The following DAB1 variants were observed in gnomAD, a reference collection of about 807,000 sequenced individuals.
DAB1 encodes the protein disabled homolog 1.
In DAB1, 15 loss-of-function variants were observed where a neutral mutation model predicts 64.6. The observed-to-expected ratio is 0.23, with a 90% CI of 0.16 to 0.36. The LOEUF (loss-of-function observed/expected upper bound fraction) is 0.36, where lower values mean the gene tolerates loss of function less well. Among genes scored for constraint, DAB1 ranks in the 10% least tolerant of loss-of-function variants. DAB1 has a pLI of 1.00. For missense variants in DAB1, 596 were observed against 706.7 expected (o/e 0.84, Z 1.78); for synonymous variants, 235 against 251.9 (o/e 0.93, Z 0.64).
chr1:57,750,232 TG>T (rs1648492160), intron 6 of DAB1, among the ~76,000 whole-genome samples: 1 of 152,230 alleles, frequency 6.6e-6, no homozygotes, highest in Non-Finnish European at 1.5e-5. Context: ...CTTCCCTTTT[TG>T]TGTTTCTATC....
At chr1:57,397,647 C>T (rs1682920551) in intron 1 of DAB1, among the ~76,000 whole-genome samples, 1 of 152,240 alleles carries the variant, frequency 6.6e-6, no homozygotes, top group Non-Finnish European at 1.5e-5. Flanking sequence ...TGGCTCTCCA[C>T]AGGGCAGAGA....
In DAB1 at chr1:57,015,234, C is replaced by G. The variant is rs758575972; in HGVS notation, c.1093G>C (p.Ala365Pro). Residue 365 changes from alanine to proline, a missense_variant, in exon 12 of 15, where the codon GCC becomes CCC. Transcript: ENST00000371236. The stretch of plus-strand genomic sequence containing the variant: ...ATAACAGTTTGTGTGGGCATGAAGG[C>G]GGCTGGCGGAAACTGCCCGGCCACA... ...PTVAGQFPPAAFMPTQTVMPL... is the reference protein window; with the variant it reads ...PTVAGQFPPAPFMPTQTVMPL... 6.2e-7 allele frequency: 1 copy of G among 1,613,962 alleles called. No individual in the cohort carries two copies. Among genetic ancestry groups the G allele is most frequent in the Non-Finnish European group, 8.5e-7 (1 of 1,179,978 alleles).
chr1:58,395,069 C>T (rs1644508045), intron 3 of DAB1, among the ~76,000 whole-genome samples: 1 of 151,944 alleles, frequency 6.6e-6, no homozygotes, highest in Non-Finnish European at 1.5e-5. Flanking sequence ...TGGACACAAG[C>T]CTGTCAAAAA....
chr1:58,112,034 C>T (rs1428296928), intron 5 of DAB1, among the ~76,000 whole-genome samples: 1 of 152,178 alleles, frequency 6.6e-6, no homozygotes, highest in Non-Finnish European at 1.5e-5. Context: ...ACCCTTTCTC[C>T]CTATCCCCCA....
intron 9 of DAB1, among the ~76,000 whole-genome samples, chr1:57,041,261 C>A (rs539271005): frequency 6.6e-6 from 1 of 152,174 alleles, no homozygotes; most frequent in African/African-American, 2.4e-5. Flanking sequence ...ATTATCAAGG[C>A]ATTAATTTAA....
At chr1:58,249,122 T>G (rs1269824092) in intron 4 of DAB1, among the ~76,000 whole-genome samples, 3 of 152,090 alleles carry the variant, frequency 2.0e-5, no homozygotes, top group Non-Finnish European at 4.4e-5. Context: ...ACAGGCTGCC[T>G]GCAAAGTCCA....
At chr1:57,842,196 T>A (rs1263870513) in intron 1 of DAB1, among the ~76,000 whole-genome samples, 1 of 152,234 alleles carries the variant, frequency 6.6e-6, no homozygotes, top group Non-Finnish European at 1.5e-5. Context: ...TGTTTGCTAA[T>A]GCATAGCAAG....
intron 6 of DAB1, among the ~76,000 whole-genome samples, chr1:57,667,811 G>A (rs1039174536): frequency 1.3e-5 from 2 of 152,056 alleles, no homozygotes; most frequent in Admixed American, 1.3e-4. Context: ...TCACTCATAA[G>A]TGAGAATTGA....
At chr1:58,530,601 C>G (rs1646420464) in intron 1 of DAB1, 2 of 871,326 alleles carry the variant, frequency 2.3e-6, no homozygotes, top group Admixed American at 1.7e-5. Flanking sequence ...TCAGACTTAC[C>G]TCCTGCAATT....
chr1:57,116,554 C>G (rs1046921992), intron 4 of DAB1, among the ~76,000 whole-genome samples: 1 of 151,326 alleles, frequency 6.6e-6, no homozygotes, highest in Non-Finnish European at 1.5e-5. Flanking sequence ...TATATCTAGC[C>G]ATAAGATACA....
intron 4 of DAB1, among the ~76,000 whole-genome samples, chr1:58,220,070 T>A (rs1659077112): frequency 1.3e-5 from 2 of 152,258 alleles, no homozygotes; most frequent in South Asian, 4.1e-4. Context: ...AAAAAGGTTT[T>A]GTTTTTGTTT....
chr1:58,447,375 G>C (rs1028829594), intron 3 of DAB1, among the ~76,000 whole-genome samples: 1 of 150,308 alleles, frequency 6.7e-6, no homozygotes, highest in Non-Finnish European at 1.5e-5. Flanking sequence ...GGAGAGAGTT[G>C]ATCAACTTTC....
At chr1:57,480,667 T>G (rs961487373) in intron 7 of DAB1, among the ~76,000 whole-genome samples, 1 of 152,056 alleles carries the variant, frequency 6.6e-6, no homozygotes, top group African/African-American at 2.4e-5. Flanking sequence ...GTATTTTTAG[T>G]AGAGACAGGG....
intron 12 of DAB1, among the ~76,000 whole-genome samples, chr1:57,011,947 G>A (rs1222860407): frequency 6.6e-6 from 1 of 152,210 alleles, no homozygotes; most frequent in African/African-American, 2.4e-5. Context: ...GAAAATGGAT[G>A]TAGCTGATGG....
At chr1:57,851,242 T>G (rs1653512228) in intron 1 of DAB1, among the ~76,000 whole-genome samples, 1 of 152,202 alleles carries the variant, frequency 6.6e-6, no homozygotes, top group Non-Finnish European at 1.5e-5. Flanking sequence ...GTTAGTCTCT[T>G]TGCAGTAGAT....
At chr1:57,323,832 G>A (rs1340059627) in intron 1 of DAB1, among the ~76,000 whole-genome samples, 8 of 151,922 alleles carry the variant, frequency 5.3e-5, no homozygotes, top group East Asian at 3.9e-4. Flanking sequence ...TCGGGGTGGC[G>A]AAATGTTACC....
chr1:57,555,891 C>A (rs903286774), intron 7 of DAB1, among the ~76,000 whole-genome samples: 1 of 152,086 alleles, frequency 6.6e-6, no homozygotes, highest in African/African-American at 2.4e-5. Flanking sequence ...CATTCCTTTA[C>A]ATTCTATTTA....
At chr1:58,530,443 G>A (rs1409806102) in intron 1 of DAB1, among the ~76,000 whole-genome samples, 1 of 152,062 alleles carries the variant, frequency 6.6e-6, no homozygotes, top group Non-Finnish European at 1.5e-5. Flanking sequence ...TCATATATAA[G>A]AATATCCCCT....
At chr1:57,567,093 T>C (rs1208959470) in intron 7 of DAB1, among the ~76,000 whole-genome samples, 1 of 152,196 alleles carries the variant, frequency 6.6e-6, no homozygotes, top group African/African-American at 2.4e-5. Flanking sequence ...CAAGTGGGCT[T>C]CATGCCTGGG....
Sources: gnomAD v4.1 joint callset for allele counts (sites outside exome capture counted in the v4.1 genomes callset) on GRCh38, gnomAD v4.1.1 for gene constraint, MANE v1.5 for transcripts, NCBI Gene and HGNC (gene_info 2026-07-23, HGNC 2026-07-21) for gene names.